Variants in CACNA2D3 observed in about 807,000 individuals in gnomAD.
The protein encoded by CACNA2D3 is calcium voltage-gated channel auxiliary subunit alpha2delta 3, also known as voltage-dependent calcium channel subunit alpha-2/delta-3.
In CACNA2D3, 60 loss-of-function variants were observed where a neutral mutation model predicts 160.6. The observed-to-expected ratio is 0.37, with a 90% CI of 0.30 to 0.46. The LOEUF is 0.46. CACNA2D3 is among the 20% of genes least tolerant of loss of function. The pLI is 1.00. For synonymous variants in CACNA2D3, 558 were observed against 492.9 expected, an observed-to-expected ratio of 1.13 and a Z score of -1.75; for missense variants, 1,205 against 1,365.0, an observed-to-expected ratio of 0.88 and a Z score of 1.85.
At chr3:54,955,417 T>C (rs920753266) in intron 27 of CACNA2D3, among the ~76,000 whole-genome samples, 1 of 152,086 alleles carries the variant, frequency 6.6e-6, no homozygotes, top group Admixed American at 6.5e-5. Context: ...TGATGAGATT[T>C]CTAGGGCAGG....
At chr3:54,382,118 A>G (rs1470551658) in intron 3 of CACNA2D3, among the ~76,000 whole-genome samples, 1 of 152,192 alleles carries the variant, frequency 6.6e-6, no homozygotes, top group Admixed American at 6.5e-5. Flanking sequence ...TTCACGTTTA[A>G]TTAAAAACCA....
chr3:54,270,663 A>G (rs913311451), intron 2 of CACNA2D3, among the ~76,000 whole-genome samples: 3 of 152,226 alleles, frequency 2.0e-5, no homozygotes, highest in Non-Finnish European at 4.4e-5. Context: ...GGCTGAAATC[A>G]AGGTGTCACC....
intron 27 of CACNA2D3, chr3:54,924,931 G>T (rs746885278): frequency 2.5e-6 from 4 of 1,612,378 alleles, no homozygotes; most frequent in Non-Finnish European, 3.4e-6. Flanking sequence ...TGCAAGTGCT[G>T]AAGCCCATGG....
intron 9 of CACNA2D3, among the ~76,000 whole-genome samples, chr3:54,605,922 C>T (rs576282845): frequency 1.2e-4 from 19 of 152,304 alleles, no homozygotes; most frequent in Admixed American, 1.2e-3. Context: ...GACTTTTCTT[C>T]TGTAATGCCT....
chr3:54,995,535 C>T lies in CACNA2D3; in HGVS notation c.2690+7782C>T, dbSNP rs572894418. Reference sequence around the variant, plus strand: ...TCATGATTCAATGTAGCTGCTGAGCCCCAGCCATCATATCTGCAATTCAGG... The same window carrying T: ...TCATGATTCAATGTAGCTGCTGAGCTCCAGCCATCATATCTGCAATTCAGG... On this transcript the variant is annotated intron_variant, in intron 31 of 37. Coordinates refer to ENST00000474759, the MANE Select transcript of CACNA2D3 (RefSeq NM_018398.3). Among the ~76,000 whole-genome samples the T allele has an allele frequency of 3.3e-5, 5 of 152,212 alleles. 1 individual carries two copies. The South Asian group carries it at 1.0e-3, about 32-fold the overall frequency.
At chr3:54,990,896 A>G (rs1457821737) in intron 31 of CACNA2D3, among the ~76,000 whole-genome samples, 2 of 152,230 alleles carry the variant, frequency 1.3e-5, no homozygotes, top group African/African-American at 4.8e-5. Flanking sequence ...AAAGTCTCAC[A>G]GCAGCGTGTG....
At chr3:54,921,570 T>C (rs1282398079) in intron 27 of CACNA2D3, among the ~76,000 whole-genome samples, 2 of 152,120 alleles carry the variant, frequency 1.3e-5, no homozygotes, top group Non-Finnish European at 2.9e-5. Flanking sequence ...CTTTTTGTGG[T>C]CTATTTGAGG....
intron 35 of CACNA2D3, among the ~76,000 whole-genome samples, chr3:55,045,038 C>G (rs527954937): frequency 6.6e-6 from 1 of 151,926 alleles, no homozygotes; most frequent in South Asian, 2.1e-4. Context: ...TTAATAAGGT[C>G]TGTTGATATA....
intron 2 of CACNA2D3, among the ~76,000 whole-genome samples, chr3:54,242,294 A>C (rs570623073): frequency 6.6e-6 from 1 of 151,752 alleles, no homozygotes; most frequent in Non-Finnish European, 1.5e-5. Context: ...AAACAAACAA[A>C]AAGCCAGGCA....
At chr3:54,829,880 T>C (rs1436469305) in intron 14 of CACNA2D3, among the ~76,000 whole-genome samples, 1 of 138,660 alleles carries the variant, frequency 7.2e-6, no homozygotes, top group Admixed American at 7.6e-5. Flanking sequence ...CTTCTTCTTC[T>C]TCATCTTTTT....
intron 13 of CACNA2D3, among the ~76,000 whole-genome samples, chr3:54,799,707 G>A (rs985530833): frequency 6.6e-6 from 1 of 152,158 alleles, no homozygotes; most frequent in Non-Finnish European, 1.5e-5. Context: ...CATCTCCCCT[G>A]GTGAGGTTTT....
intron 10 of CACNA2D3, chr3:54,639,545 AG>A (rs1225949070): frequency 6.2e-6 from 1 of 161,254 alleles, no homozygotes; most frequent in Non-Finnish European, 1.3e-5. Context: ...GATTGAAAGG[AG>A]AAAGAGGTTG....
At chr3:54,267,180 A>G (rs766222092) in intron 2 of CACNA2D3, among the ~76,000 whole-genome samples, 16 of 152,208 alleles carry the variant, frequency 1.1e-4, no homozygotes, top group Non-Finnish European at 1.9e-4. Context: ...TTTGAGAAAC[A>G]ATAGTTTTGT....
intron 11 of CACNA2D3, among the ~76,000 whole-genome samples, chr3:54,720,988 G>A (rs1701158282): frequency 6.6e-6 from 1 of 151,872 alleles, no homozygotes; most frequent in African/African-American, 2.4e-5. Flanking sequence ...TCTTATCTAT[G>A]TTTCTAGTTG....
intron 27 of CACNA2D3, among the ~76,000 whole-genome samples, chr3:54,936,591 C>G (rs1207368986): frequency 6.6e-6 from 1 of 152,112 alleles, no homozygotes; most frequent in Non-Finnish European, 1.5e-5. Flanking sequence ...TAGTGATGTT[C>G]TCATCTTTTC....
chr3:54,232,066 G>A (rs1195394708), intron 2 of CACNA2D3, among the ~76,000 whole-genome samples: 1 of 152,232 alleles, frequency 6.6e-6, no homozygotes, highest in Non-Finnish European at 1.5e-5. Flanking sequence ...CTTGGGGGCG[G>A]CCCCAGCTGT....
intron 17 of CACNA2D3, among the ~76,000 whole-genome samples, chr3:54,859,265 C>G (rs886806232): frequency 1.3e-5 from 2 of 152,138 alleles, no homozygotes; most frequent in Non-Finnish European, 2.9e-5. Context: ...CTCTTTGGCA[C>G]AATAATTTAA....
intron 3 of CACNA2D3, among the ~76,000 whole-genome samples, chr3:54,359,584 A>T (rs1252757477): frequency 6.6e-6 from 1 of 152,142 alleles, no homozygotes; most frequent in East Asian, 1.9e-4. Flanking sequence ...TTCCTCTGGA[A>T]CACAAGTTCC....
At chr3:54,634,878 A>G (rs535735309) in intron 10 of CACNA2D3, among the ~76,000 whole-genome samples, 215 of 151,928 alleles carry the variant, frequency 1.4e-3, no homozygotes, top group African/African-American at 3.9e-3. Context: ...CCATCTGGGC[A>G]TATACATGCA....
Sources: allele counts gnomAD v4.1 joint callset (sites outside exome capture counted in the v4.1 genomes callset), GRCh38; gene constraint gnomAD v4.1.1; transcripts MANE v1.5; gene names NCBI Gene and HGNC (gene_info 2026-07-23, HGNC 2026-07-21).